SGCD: variants seen among roughly 807,000 people sequenced by gnomAD.
SGCD encodes the protein sarcoglycan delta, also known as delta-sarcoglycan.
Under a neutral mutation model 36.6 loss-of-function variants are expected in SGCD, and 18 were observed. The observed-to-expected ratio is 0.49, with a 90% CI of 0.34 to 0.73. The LOEUF (loss-of-function observed/expected upper bound fraction) is 0.73. Ranked by LOEUF, SGCD falls within the 30% of genes least tolerant of loss-of-function variation. The probability of loss-of-function intolerance (pLI) is 0.01; values close to 1 mark genes in which losing one functional copy is unlikely to be tolerated. For missense variants in SGCD, 387 were observed against 346.7 expected (o/e 1.12, Z -0.92); for synonymous variants, 133 against 130.6 (o/e 1.02, Z -0.12).
chr5:156,595,836 G>A lies in SGCD; in HGVS notation c.502+785G>A, dbSNP rs148629134. On this transcript the variant is annotated intron_variant, in intron 6 of 8. Transcript: ENST00000337851. Reference sequence around the variant, plus strand: ...GCTATGGTGAAAACACTGAGAATTCGTTATTAAAAATATTTGCAGAAATTT... The same window carrying A: ...GCTATGGTGAAAACACTGAGAATTCATTATTAAAAATATTTGCAGAAATTT... 8.7e-4 allele frequency among the ~76,000 whole-genome samples: 133 copies of A among 152,276 alleles called. 1 individual carries two copies. Among genetic ancestry groups the A allele is most frequent in the Non-Finnish European group, 1.7e-3 (114 of 68,020 alleles).
At chr5:156,570,504 G>T (rs1305715709) in intron 4 of SGCD, among the ~76,000 whole-genome samples, 3 of 152,110 alleles carry the variant, frequency 2.0e-5, no homozygotes, top group Non-Finnish European at 2.9e-5. Context: ...TACATTGATA[G>T]ATACATACCT....
At chr5:156,540,252 G>A (rs1000391171) in intron 4 of SGCD, among the ~76,000 whole-genome samples, 1 of 152,064 alleles carries the variant, frequency 6.6e-6, no homozygotes, top group African/African-American at 2.4e-5. Context: ...ACTTTCTATG[G>A]TTCCTAGCTC....
intron 4 of SGCD, among the ~76,000 whole-genome samples, chr5:156,555,927 T>G (rs1759001542): frequency 6.6e-6 from 1 of 152,120 alleles, no homozygotes. Flanking sequence ...CTAAGTATTT[T>G]TTGGTGCTAT....
At chr5:156,585,512 AT>A (rs1431539930) in intron 4 of SGCD, among the ~76,000 whole-genome samples, 1 of 152,208 alleles carries the variant, frequency 6.6e-6, no homozygotes, top group Admixed American at 6.5e-5. Context: ...TTTAGTAAAC[AT>A]AGAGCACTGC....
chr5:156,484,472 T>C (rs1014165335), intron 3 of SGCD, among the ~76,000 whole-genome samples: 3 of 152,208 alleles, frequency 2.0e-5, no homozygotes, highest in African/African-American at 4.8e-5. Context: ...GTGCTAAAGC[T>C]GCTACTGCAA....
chr5:156,115,215 G>A (rs561849834), intron 1 of SGCD, among the ~76,000 whole-genome samples: 6 of 152,106 alleles, frequency 3.9e-5, no homozygotes, highest in African/African-American at 1.4e-4. Flanking sequence ...AAATTTAAAA[G>A]GTCAAATGAT....
chr5:156,570,727 T>A (rs1418942682), intron 4 of SGCD, among the ~76,000 whole-genome samples: 1 of 152,206 alleles, frequency 6.6e-6, no homozygotes, highest in Non-Finnish European at 1.5e-5. Flanking sequence ...TTGTACAGGT[T>A]ATTTCATCAC....
the SGCD span, among the ~76,000 whole-genome samples, chr5:155,782,985 C>T: frequency 6.6e-6 from 1 of 151,936 alleles, no homozygotes; most frequent in South Asian, 2.1e-4. Flanking sequence ...GGTTTCAGCT[C>T]CACTCAAATA....
chr5:156,113,851 C>T (rs2127600287), intron 1 of SGCD, among the ~76,000 whole-genome samples: 1 of 152,132 alleles, frequency 6.6e-6, no homozygotes, highest in African/African-American at 2.4e-5. Context: ...TTTTATCAAG[C>T]CATAAAAGTA....
the SGCD span, among the ~76,000 whole-genome samples, chr5:155,843,905 A>G: frequency 0.045 from 6,808 of 152,086 alleles, 211 homozygotes; most frequent in Middle Eastern, 0.14. Flanking sequence ...TATTTTTCTA[A>G]TAAATCTTTC....
intron 7 of SGCD, among the ~76,000 whole-genome samples, chr5:156,672,989 C>G (rs73301195): frequency 6.6e-6 from 1 of 152,188 alleles, no homozygotes; most frequent in Non-Finnish European, 1.5e-5. Flanking sequence ...CCTAGGCTCA[C>G]TGTACTTCCC....
At chr5:155,971,520 G>A (rs1758006106) in intron 1 of SGCD, among the ~76,000 whole-genome samples, 1 of 152,000 alleles carries the variant, frequency 6.6e-6, no homozygotes, top group South Asian at 2.1e-4. Context: ...AACTCGTCTG[G>A]CCCAATTTTT....
At chr5:156,079,558 A>G (rs1760893245) in intron 1 of SGCD, among the ~76,000 whole-genome samples, 1 of 152,248 alleles carries the variant, frequency 6.6e-6, no homozygotes, top group Non-Finnish European at 1.5e-5. Context: ...GGGTAAAGAC[A>G]TTGGGTAAAC....
chr5:155,995,885 A>G (rs2127566165), intron 1 of SGCD, among the ~76,000 whole-genome samples: 1 of 152,020 alleles, frequency 6.6e-6, no homozygotes, highest in East Asian at 1.9e-4. Context: ...GGATAATGGG[A>G]AACTTCTGTT....
At chr5:156,369,830 C>T (rs1224732371) in intron 3 of SGCD, among the ~76,000 whole-genome samples, 1 of 151,994 alleles carries the variant, frequency 6.6e-6, no homozygotes, top group Non-Finnish European at 1.5e-5. Context: ...AAATGTCAAC[C>T]TAGGAAGGCA....
At chr5:155,738,077 C>T in the SGCD span, among the ~76,000 whole-genome samples, 1 of 152,140 alleles carries the variant, frequency 6.6e-6, no homozygotes, top group East Asian at 1.9e-4. Context: ...TGGACCACTT[C>T]TCCTTCCTCA....
the SGCD span, among the ~76,000 whole-genome samples, chr5:155,821,097 GAGCCAGAAAAAGCAAT>G: frequency 1.3e-5 from 2 of 152,202 alleles, no homozygotes; most frequent in East Asian, 3.9e-4. Context: ...TCTAAAGCAA[GAGCCAGAAAAAGCAAT>G]AGAACAACTC....
chr5:156,729,377 G>A (rs1020043584), intron 7 of SGCD, among the ~76,000 whole-genome samples: 1 of 152,182 alleles, frequency 6.6e-6, no homozygotes, highest in African/African-American at 2.4e-5. Context: ...TCTCCCACGT[G>A]TATTAACAGA....
At chr5:156,218,041 A>C (rs1244607255) in intron 3 of SGCD, among the ~76,000 whole-genome samples, 7 of 152,154 alleles carry the variant, frequency 4.6e-5, no homozygotes, top group Admixed American at 4.6e-4. Flanking sequence ...TGGGAGGCCA[A>C]GGCAGGCAGA....
Sources: gnomAD v4.1 joint callset for allele counts (sites outside exome capture counted in the v4.1 genomes callset) on GRCh38, gnomAD v4.1.1 for gene constraint, MANE v1.5 for transcripts, NCBI Gene and HGNC (gene_info 2026-07-23, HGNC 2026-07-21) for gene names.